SLC24A3: variants seen among roughly 807,000 people sequenced by gnomAD.
The protein encoded by SLC24A3 is sodium/potassium/calcium exchanger 3.
SLC24A3 carries 28 observed loss-of-function variants against 75.8 expected under a neutral mutation model. That is an observed-to-expected ratio of 0.37 (90% confidence interval 0.27 to 0.51). SLC24A3 has a LOEUF of 0.51. Ranked by LOEUF, SLC24A3 falls within the 20% of genes least tolerant of loss-of-function variation. The probability of loss-of-function intolerance (pLI) is 0.94; values close to 1 mark genes in which losing one functional copy is unlikely to be tolerated. For missense variants in SLC24A3, 663 were observed against 847.8 expected (o/e 0.78, Z 2.71); for synonymous variants, 372 against 334.1 (o/e 1.11, Z -1.24).
intron 2 of SLC24A3, among the ~76,000 whole-genome samples, chr20:19,400,665 C>A (rs1435317360): frequency 6.6e-6 from 1 of 152,136 alleles, no homozygotes; most frequent in Non-Finnish European, 1.5e-5. Context: ...CTCTAGCTGT[C>A]TTGGTCTCCT....
chr20:19,388,792 G>A (rs930642386), intron 2 of SLC24A3, among the ~76,000 whole-genome samples: 1 of 152,066 alleles, frequency 6.6e-6, no homozygotes, highest in African/African-American at 2.4e-5. Context: ...TGAATCTTTT[G>A]TAGTTAGCAT....
chr20:19,469,117 G>T (rs1015159395), intron 2 of SLC24A3, among the ~76,000 whole-genome samples: 1 of 152,096 alleles, frequency 6.6e-6, no homozygotes, highest in Non-Finnish European at 1.5e-5. Flanking sequence ...GGCTCTGGAT[G>T]GTCATCTCCA....
At chr20:19,341,457 G>A (rs1255703676) in intron 2 of SLC24A3, among the ~76,000 whole-genome samples, 2 of 152,182 alleles carry the variant, frequency 1.3e-5, no homozygotes, top group Non-Finnish European at 2.9e-5. Flanking sequence ...GGTGTGTTCT[G>A]GAGGGATTCT....
chr20:19,495,981 C>T (rs1365666266), intron 2 of SLC24A3, among the ~76,000 whole-genome samples: 1 of 148,130 alleles, frequency 6.8e-6, no homozygotes, highest in Non-Finnish European at 1.5e-5. Context: ...TTTTTAAAAA[C>T]AATGTGACAG....
intron 6 of SLC24A3, among the ~76,000 whole-genome samples, chr20:19,590,131 G>A (rs2031353441): frequency 6.7e-6 from 1 of 148,292 alleles, no homozygotes; most frequent in Non-Finnish European, 1.5e-5. Context: ...AGTAATTGCG[G>A]TTTTTGCCAT....
intron 2 of SLC24A3, among the ~76,000 whole-genome samples, chr20:19,458,651 T>C (rs1040409605): frequency 6.6e-6 from 1 of 152,214 alleles, no homozygotes; most frequent in Non-Finnish European, 1.5e-5. Flanking sequence ...GTGACTGGCT[T>C]TCAGTTTTAT....
chr20:19,691,188 A>G (rs1442790610), intron 12 of SLC24A3, among the ~76,000 whole-genome samples: 1 of 152,228 alleles, frequency 6.6e-6, no homozygotes, highest in Non-Finnish European at 1.5e-5. Context: ...AATATTTGCT[A>G]TGAAACAAAT....
intron 3 of SLC24A3, among the ~76,000 whole-genome samples, chr20:19,527,052 G>T (rs1408703078): frequency 2.6e-5 from 4 of 152,024 alleles, no homozygotes; most frequent in African/African-American, 7.2e-5. Flanking sequence ...CACCCACCAA[G>T]AAATCCCAGT....
At chr20:19,696,658 G>A (rs1325257363) in intron 13 of SLC24A3, 139 bp from the exon 14 acceptor site, 14 of 623,580 alleles carry the variant, frequency 2.2e-5, no homozygotes, top group Non-Finnish European at 4.1e-5. Context: ...GTCACCCTCT[G>A]TATTGATACA....
At chr20:19,588,163 G>T (rs1294286909) in intron 6 of SLC24A3, among the ~76,000 whole-genome samples, 3 of 152,220 alleles carry the variant, frequency 2.0e-5, no homozygotes, top group African/African-American at 7.2e-5. Flanking sequence ...AAAAAGAAAT[G>T]ACAGCTTCCC....
intron 2 of SLC24A3, among the ~76,000 whole-genome samples, chr20:19,339,935 T>A (rs1435451436): frequency 3.9e-5 from 6 of 152,172 alleles, no homozygotes; most frequent in Admixed American, 6.5e-5. Flanking sequence ...TGAAACGAGA[T>A]GTTTGATGAA....
At chr20:19,465,991 C>T (rs867166724) in intron 2 of SLC24A3, among the ~76,000 whole-genome samples, 35 of 152,190 alleles carry the variant, frequency 2.3e-4, no homozygotes, top group Non-Finnish European at 1.3e-4. Flanking sequence ...GGTAGTCATT[C>T]TCCTTGTCTC....
rs1349512855 is a variant in SLC24A3 at position 19,515,648 on chromosome 20, T to C, written c.348+84T>C. ...GGTGTGGCACCTGAGGTGCCCCCAG[T>C]AGATTCTCTCTGCCCTCCTGTTCCC... On this transcript the variant is annotated intron_variant, in intron 3 of 16. Coordinates refer to ENST00000328041, the MANE Select transcript of SLC24A3 (RefSeq NM_020689.4). 1.0e-5 allele frequency: 14 copies of C among 1,376,094 alleles called. No individual in the cohort carries two copies. The East Asian group carries it at 3.2e-4, about 32-fold the overall frequency. The allele number at this position is 1,376,094 out of a possible 1,614,324, so 85.2% of individuals were successfully genotyped here. A position where few individuals can be genotyped will look rare whatever the true frequency, so the allele number is the denominator to read the frequency against.
chr20:19,478,356 A>T (rs1037381073), intron 2 of SLC24A3, among the ~76,000 whole-genome samples: 1 of 152,152 alleles, frequency 6.6e-6, no homozygotes, highest in Non-Finnish European at 1.5e-5. Context: ...AGCTGATAAA[A>T]TGTTTGCTGC....
intron 2 of SLC24A3, among the ~76,000 whole-genome samples, chr20:19,476,281 C>T (rs972371596): frequency 6.6e-6 from 1 of 152,156 alleles, no homozygotes; most frequent in Non-Finnish European, 1.5e-5. Flanking sequence ...AGGTGTAAAT[C>T]CTGGACTTGA....
chr20:19,329,420 T>C (rs976209976), intron 2 of SLC24A3, among the ~76,000 whole-genome samples: 2 of 152,202 alleles, frequency 1.3e-5, no homozygotes, highest in African/African-American at 4.8e-5. Flanking sequence ...CCTTCCCTCC[T>C]ATCAGTAGAG....
At position 19,477,795 on chromosome 20, in the gene SLC24A3, T is replaced by G. The variant is rs146052945; in HGVS notation, c.272-37693T>G. On this transcript the variant is annotated intron_variant, in intron 2 of 16. Coordinates refer to ENST00000328041, the MANE Select transcript of SLC24A3 (RefSeq NM_020689.4). ...GCCAGTCTTACACGTGAATATAGTA[T>G]ACACTGTACCTACTGACTCTACCCT... Among the ~76,000 whole-genome samples, 117 of 152,346 alleles carry G rather than the reference T, an allele frequency of 7.7e-4. 1 individual carries two copies. The highest frequency in any genetic ancestry group is 3.6e-3 in the Admixed American group (55 of 15,304).
chr20:19,263,661 GATCTCAGAC>G (rs1983067258), intron 1 of SLC24A3, among the ~76,000 whole-genome samples: 1 of 152,138 alleles, frequency 6.6e-6, no homozygotes, highest in Non-Finnish European at 1.5e-5. Context: ...CCTATCAGTG[GATCTCAGAC>G]TCTGGGCTGA....
In SLC24A3 at chr20:19,345,092, G is replaced by C. The variant is rs566396988; in HGVS notation, c.271+64005G>C. On this transcript the variant is annotated intron_variant, in intron 2 of 16. Transcript: ENST00000328041. ...TGCCTGTAGAACGTCTCAAAGAATT[G>C]ATAAAAATCTCCAGGAACTAATAAG... 6.2e-4 allele frequency among the ~76,000 whole-genome samples: 95 copies of C among 152,224 alleles called. 2 individuals are homozygous for C. Among genetic ancestry groups the C allele is most frequent in the Admixed American group, 2.0e-3 (31 of 15,288 alleles).
Sources: allele counts gnomAD v4.1 joint callset (sites outside exome capture counted in the v4.1 genomes callset), GRCh38; gene constraint gnomAD v4.1.1; transcripts MANE v1.5; gene names NCBI Gene and HGNC (gene_info 2026-07-23, HGNC 2026-07-21).